MYO5C: variants seen among roughly 807,000 people sequenced by gnomAD.
MYO5C encodes the protein myosin VC.
A neutral mutation model predicts 235.7 loss-of-function variants in MYO5C; 194 were observed. The observed-to-expected ratio is 0.82, with a 90% CI of 0.73 to 0.93. The LOEUF is 0.93. Ranked by LOEUF, MYO5C falls within the 40% of genes least tolerant of loss-of-function variation. The probability of loss-of-function intolerance (pLI) is 0.00; values close to 1 mark genes in which losing one functional copy is unlikely to be tolerated. For synonymous variants in MYO5C, 707 were observed against 754.8 expected (o/e 0.94, Z 1.04); for missense variants, 2,038 against 2,127.2 (o/e 0.96, Z 0.82).
At chr15:52,218,440 T>G in intron 32 of MYO5C, 79 bp downstream of exon 32, 1 of 1,353,786 alleles carries the variant, frequency 7.4e-7, no homozygotes. Context: ...GTTAATCATA[T>G]GCTTTAGGTG....
At chr15:52,240,005 C>A in intron 20 of MYO5C, 126 bp from the exon 21 acceptor site, 7 of 953,650 alleles carry the variant, frequency 7.3e-6, no homozygotes, top group Non-Finnish European at 1.1e-5. Flanking sequence ...ACCTGCACAG[C>A]CGTATTACAG....
chr15:52,196,928 T>C (rs2035065837), intron 38 of MYO5C, among the ~76,000 whole-genome samples: 1 of 152,246 alleles, frequency 6.6e-6, no homozygotes. Flanking sequence ...CATGGGTTTA[T>C]GAGTTAAGAG....
intron 29 of MYO5C, 91 bp downstream of exon 29, chr15:52,223,453 C>G: frequency 7.9e-7 from 1 of 1,273,128 alleles, no homozygotes; most frequent in Non-Finnish European, 1.1e-6. Flanking sequence ...TATATCCACT[C>G]TTTTACTGCC....
chr15:52,195,795 GATTATT>G (rs147362680), intron 39 of MYO5C, among the ~76,000 whole-genome samples: 18 of 151,546 alleles, frequency 1.2e-4, no homozygotes, highest in Admixed American at 3.3e-4. Context: ...GTGTGTGTGT[GATTATT>G]ATTATTATTA....
intron 25 of MYO5C, 33 bp downstream of exon 25, chr15:52,229,100 A>G: frequency 6.2e-7 from 1 of 1,609,868 alleles, no homozygotes; most frequent in Non-Finnish European, 8.5e-7. Context: ...TGACGTAACC[A>G]GAGGGCGGGG....
chr15:52,251,437 G>A lies in MYO5C; in HGVS notation c.1615C>T (p.Pro539Ser). The change falls in exon 13 of 41, where the codon CCT becomes TCT. Residue 539 changes from proline to serine, a missense_variant. Coordinates refer to ENST00000261839, the MANE Select transcript of MYO5C (RefSeq NM_018728.4). ...FVNRNPLFEK[P>S]RMSNTSFVIQ... ...ACAAAGGATGTGTTTGACATTCTAG[G>A]CTTTTCAAACAAAGGGTTCCTGTTG... 1 of 1,604,630 alleles carries A rather than the reference G, an allele frequency of 6.2e-7. No homozygotes were observed. Among genetic ancestry groups the A allele is most frequent in the Non-Finnish European group, 8.5e-7 (1 of 1,174,678 alleles).
intron 2 of MYO5C, 93 bp from the exon 3 acceptor site, chr15:52,279,767 CAG>C (rs2037128394): frequency 1.7e-6 from 2 of 1,207,756 alleles, no homozygotes; most frequent in South Asian, 1.5e-5. Context: ...ACCCCTCCAT[CAG>C]AGTCATCACT....
chr15:52,225,406 A>G (rs776688629), intron 26 of MYO5C, 33 bp downstream of exon 26: 41 of 1,482,102 alleles, frequency 2.8e-5, no homozygotes, highest in Non-Finnish European at 3.6e-5. Context: ...TTCAGTCTGC[A>G]CCCATGGACT....
At chr15:52,232,573 G>A in intron 24 of MYO5C, 49 bp downstream of exon 24, 1 of 1,552,292 alleles carries the variant, frequency 6.4e-7, no homozygotes, top group South Asian at 1.1e-5. Flanking sequence ...ATATAAAACA[G>A]CACAGACAGA....
At chr15:52,288,028 A>G (rs2037313325) in intron 1 of MYO5C, among the ~76,000 whole-genome samples, 1 of 151,710 alleles carries the variant, frequency 6.6e-6, no homozygotes, top group Non-Finnish European at 1.5e-5. Flanking sequence ...AGCTGGTGAA[A>G]GTGGAGGTGT....
At chr15:52,256,333 A>G (rs2140814479) in intron 11 of MYO5C, among the ~76,000 whole-genome samples, 1 of 152,290 alleles carries the variant, frequency 6.6e-6, no homozygotes, top group African/African-American at 2.4e-5. Context: ...GAGGCTCGAA[A>G]GAAAGTGGAG....
At chr15:52,218,708 T>G in intron 31 of MYO5C, 21 bp from the exon 32 acceptor site, 1 of 1,613,058 alleles carries the variant, frequency 6.2e-7, no homozygotes, top group Non-Finnish European at 8.5e-7. Context: ...GAGGGAGGAA[T>G]GGCTGGTATC....
At chr15:52,221,321 A>G (rs2035680001) in intron 29 of MYO5C, 66 bp from the exon 30 acceptor site, 1 of 1,160,220 alleles carries the variant, frequency 8.6e-7, no homozygotes, top group African/African-American at 1.6e-5. Flanking sequence ...AAAATCTTAG[A>G]AGCAAACTGA....
At chr15:52,256,600 C>G (rs763540746) in intron 11 of MYO5C, 39 bp downstream of exon 11, 3 of 1,517,270 alleles carry the variant, frequency 2.0e-6, no homozygotes, top group Non-Finnish European at 2.7e-6. Flanking sequence ...CGCGCGCGCG[C>G]GGCTGAGAAC....
chr15:52,265,002 T>C (rs2036773126), intron 8 of MYO5C, among the ~76,000 whole-genome samples: 1 of 152,172 alleles, frequency 6.6e-6, no homozygotes, highest in Non-Finnish European at 1.5e-5. Flanking sequence ...CAGTGAACAG[T>C]TCTGCTGCTG....
At chr15:52,264,799 G>A (rs1198669228) in intron 8 of MYO5C, among the ~76,000 whole-genome samples, 2 of 152,154 alleles carry the variant, frequency 1.3e-5, no homozygotes, top group Non-Finnish European at 2.9e-5. Context: ...GATTCATGGG[G>A]AGCCCTAGCA....
chr15:52,271,829 T>C lies in MYO5C; in HGVS notation c.766A>G (p.Asn256Asp), dbSNP rs1229275788. The C allele has an allele frequency of 1.3e-6, 2 of 1,588,896 alleles. No individual in the cohort carries two copies. Among genetic ancestry groups the C allele is most frequent in the Non-Finnish European group, 1.7e-6 (2 of 1,162,654 alleles). Reference protein sequence around the residue: ...RVVFQSENERNYHIFYQLCAS... With the variant: ...RVVFQSENERDYHIFYQLCAS... ...CAAAGCTGATAGAAAATGTGGTAAT[T>C]TCGTTCATTTTCCGACTGTAAGATA... Residue 256 changes from asparagine (N) to aspartate (D), a missense_variant, in exon 7 of 41, where the codon AAT (asparagine) becomes GAT (aspartate). Asn to Asp is a conservative substitution (Grantham distance 23). Transcript: ENST00000261839.
intron 10 of MYO5C, among the ~76,000 whole-genome samples, chr15:52,259,882 G>A (rs1391688003): frequency 1.3e-5 from 2 of 152,380 alleles, no homozygotes; most frequent in African/African-American, 4.8e-5. Flanking sequence ...GGGCCGTGAA[G>A]GCCAGAGCTC....
At chr15:52,223,461 G>T in intron 29 of MYO5C, 83 bp downstream of exon 29, 3 of 1,335,578 alleles carry the variant, frequency 2.2e-6, no homozygotes, top group Admixed American at 2.3e-5. Flanking sequence ...CTCTTTTACT[G>T]CCAAGAAACT....
Sources: gnomAD v4.1 joint callset for allele counts (sites outside exome capture counted in the v4.1 genomes callset) on GRCh38, gnomAD v4.1.1 for gene constraint, MANE v1.5 for transcripts, NCBI Gene and HGNC (gene_info 2026-07-23, HGNC 2026-07-21) for gene names.